KCNJ9: variants seen among roughly 807,000 people sequenced by gnomAD.
KCNJ9 encodes the protein potassium inwardly rectifying channel subfamily J member 9, also known as G protein-activated inward rectifier potassium channel 3.
In KCNJ9, 18 loss-of-function variants were observed where a neutral mutation model predicts 27.9. The ratio of observed to expected loss-of-function variants is 0.65; its 90% CI spans 0.45 to 0.96. The LOEUF (loss-of-function observed/expected upper bound fraction) is 0.96. Among genes scored for constraint, KCNJ9 ranks in the 40% least tolerant of loss-of-function variants. The pLI is 0.00. For synonymous variants in KCNJ9, 229 were observed against 248.2 expected, an observed-to-expected ratio of 0.92 and a Z score of 0.73; for missense variants, 324 against 557.5, an observed-to-expected ratio of 0.58 and a Z score of 4.22.
rs1193325210 is a variant in KCNJ9 at position 160,088,132 on chromosome 1, G to C, written c.*315G>C. ...GGGGTTGGATGGGAAGATGGTAGCAGATAAAGACAGCTGACAGATACATAG... is the reference window on the plus strand; with the variant it reads ...GGGGTTGGATGGGAAGATGGTAGCACATAAAGACAGCTGACAGATACATAG... On this transcript the variant is annotated 3_prime_UTR_variant, in exon 3 of 3. Transcript: ENST00000368088. 3.9e-5 allele frequency: 12 copies of C among 309,184 alleles called. No individual in the cohort carries two copies. The highest frequency in any genetic ancestry group is 1.5e-4 in the Admixed American group (3 of 20,274). The allele number at this position is 309,184 out of a possible 1,614,324, so 19.2% of individuals were successfully genotyped here. A position where few individuals can be genotyped will look rare whatever the true frequency, so the allele number is the denominator to read the frequency against.
Position 160,084,681 on chromosome 1 carries a change from G to A in KCNJ9, c.651G>A (p.Glu217=), listed in dbSNP as rs1464818179. ...TCATCCGCTCGCGCCAGACGCTGGA[G>A]GGCGAGTTCATCCCGCTGCACCAGA... The part of the protein sequence containing the change: ...AKLIRSRQTL[E]GEFIPLHQTD... Residue 217 remains glutamate, a synonymous_variant, in exon 2 of 3, where the codon GAG becomes GAA. Transcript: ENST00000368088. 1.3e-6 allele frequency: 2 copies of A among 1,593,860 alleles called. No individual in the cohort carries two copies. The highest frequency in any genetic ancestry group is 1.7e-6 in the Non-Finnish European group (2 of 1,170,238).
intron 2 of KCNJ9, among the ~76,000 whole-genome samples, chr1:160,085,907 G>A (rs954722891): frequency 2.6e-5 from 4 of 152,108 alleles, no homozygotes; most frequent in East Asian, 1.9e-4. Flanking sequence ...CTGAGACTCC[G>A]CTTCACACCC....
In KCNJ9 at chr1:160,090,227, G is replaced by A. The variant is rs971551504; in HGVS notation, c.*2410G>A. 2 of 152,242 alleles carry A rather than the reference G, an allele frequency of 1.3e-5. No individual in the cohort carries two copies. The highest frequency in any genetic ancestry group is 2.9e-5 in the Non-Finnish European group (2 of 68,054). 9.4% of individuals were successfully genotyped at this position (152,242 alleles called of 1,614,324 possible). Reference sequence around the variant, plus strand: ...TCATTTGGGTTTCAGTAAAACAGGGGGGTCTGGACAAGAGCGGGTGGGCTA... The same window carrying A: ...TCATTTGGGTTTCAGTAAAACAGGGAGGTCTGGACAAGAGCGGGTGGGCTA... On this transcript the variant is annotated 3_prime_UTR_variant, in exon 3 of 3. Transcript: ENST00000368088.
rs1472361010 is a variant in KCNJ9 at position 160,089,827 on chromosome 1, C to T, written c.*2010C>T. ...CTGTCTCCCACACAGCAGCACTGGC[C>T]CAGCAAGGACCTCCTCCCTTGGCCC... On this transcript the variant is annotated 3_prime_UTR_variant, in exon 3 of 3. Coordinates refer to ENST00000368088, the MANE Select transcript of KCNJ9 (RefSeq NM_004983.3). The T allele has an allele frequency of 6.6e-6, 1 of 152,522 alleles. No individual in the cohort carries two copies. Among genetic ancestry groups the T allele is most frequent in the African/African-American group, 2.4e-5 (1 of 41,452 alleles). The allele number at this position is 152,522 out of a possible 1,614,324, so 9.4% of individuals were successfully genotyped here.
In KCNJ9 at chr1:160,089,169, C is replaced by A. The variant is rs905829039; in HGVS notation, c.*1352C>A. 6.6e-6 allele frequency: 1 copy of A among 152,168 alleles called. No individual in the cohort carries two copies. The highest frequency in any genetic ancestry group is 2.1e-4 in the South Asian group (1 of 4,818). 9.4% of individuals were successfully genotyped at this position (152,168 alleles called of 1,614,324 possible). ...GTGCTCTAAGTGAATACTTGGAAGT[C>A]GTTTCAGGACATGGGGCATAGAAAC... On this transcript the variant is annotated 3_prime_UTR_variant, in exon 3 of 3. Coordinates refer to ENST00000368088, the MANE Select transcript of KCNJ9 (RefSeq NM_004983.3).
chr1:160,082,414 T>G (rs529630442), intron 1 of KCNJ9, among the ~76,000 whole-genome samples: 4 of 152,268 alleles, frequency 2.6e-5, no homozygotes, highest in African/African-American at 9.6e-5. Flanking sequence ...GTCCCCTGAC[T>G]CCATGGACAA....
Position 160,087,841 on chromosome 1 carries a change from G to A in KCNJ9, c.*24G>A. ...GACCAGCTTCCTCCAGACCCCTGTGGCAGACCGGGGGCCAGACACAGATAC... is the reference window on the plus strand; with the variant it reads ...GACCAGCTTCCTCCAGACCCCTGTGACAGACCGGGGGCCAGACACAGATAC... On this transcript the variant is annotated 3_prime_UTR_variant, in exon 3 of 3. Coordinates refer to ENST00000368088, the MANE Select transcript of KCNJ9 (RefSeq NM_004983.3). 7.0e-7 allele frequency: 1 copy of A among 1,434,510 alleles called. No homozygotes were observed. Among genetic ancestry groups the A allele is most frequent in the South Asian group, 1.6e-5 (1 of 64,120 alleles). 88.9% of individuals were successfully genotyped at this position (1,434,510 alleles called of 1,614,324 possible).
In KCNJ9 at chr1:160,087,748, T is replaced by TG. The variant is rs770197714; in HGVS notation, c.1117dup (p.Glu373GlyfsTer5). On this transcript the variant is annotated frameshift_variant, in exon 3 of 3. Transcript: ENST00000368088. LOFTEE classifies it high-confidence loss of function. Reference sequence around the variant, plus strand: ...AGGAGGGGGCGGGGGAGGGGGCGGGTGGGGAAGCTGGGGCTGACAAGGAGC... The same window carrying TG: ...AGGAGGGGGCGGGGGAGGGGGCGGGTGGGGGAAGCTGGGGCTGACAAGGAGC... 1 of 440,486 alleles carries TG rather than the reference T, an allele frequency of 2.3e-6. No homozygotes were observed. Among genetic ancestry groups the TG allele is most frequent in the Non-Finnish European group, 2.8e-6 (1 of 352,876 alleles). 27.3% of individuals were successfully genotyped at this position (440,486 alleles called of 1,614,324 possible). A position where few individuals can be genotyped will look rare whatever the true frequency, so the allele number is the denominator to read the frequency against.
In KCNJ9 at chr1:160,087,744, C is replaced by T. The variant is rs755170146; in HGVS notation, c.1109C>T (p.Ala370Val). 6.7e-6 allele frequency: 7 copies of T among 1,044,174 alleles called. No homozygotes were observed. The highest frequency in any genetic ancestry group is 1.0e-4 in the South Asian group (2 of 19,692). The allele number at this position is 1,044,174 out of a possible 1,614,324, so 64.7% of individuals were successfully genotyped here. The change falls in exon 3 of 3, where the codon GCG (alanine) becomes GTG (valine). Residue 370 changes from alanine (A) to valine (V), a missense_variant. Transcript: ENST00000368088. ...KVEEEGAGEG[A>V]GGEAGADKEQ... is the part of the protein sequence containing the mutation. ...GAGGAGGAGGGGGCGGGGGAGGGGG[C>T]GGGTGGGGAAGCTGGGGCTGACAAG...
chr1:160,086,852 C>A (rs923890100), intron 2 of KCNJ9, among the ~76,000 whole-genome samples: 3 of 152,206 alleles, frequency 2.0e-5, no homozygotes, highest in Middle Eastern at 3.4e-3. Flanking sequence ...GGCTTGTAAT[C>A]AAAAAAGTAG....
chr1:160,085,055 G>A (rs1259321532), intron 2 of KCNJ9, among the ~76,000 whole-genome samples, 175 bp downstream of exon 2: 2 of 152,222 alleles, frequency 1.3e-5, no homozygotes, highest in Non-Finnish European at 2.9e-5. Context: ...GAGCAACGCC[G>A]CAGAAGGCCA....
At chr1:160,082,145 C>T (rs1649688351) in intron 1 of KCNJ9, among the ~76,000 whole-genome samples, 1 of 152,208 alleles carries the variant, frequency 6.6e-6, no homozygotes, top group Admixed American at 6.5e-5. Context: ...CTTCCCCATC[C>T]CTGGGCAGAG....
rs184431247 is a variant in KCNJ9, at chr1:160,088,481, G to C, written c.*664G>C. On this transcript the variant is annotated 3_prime_UTR_variant, in exon 3 of 3. Transcript: ENST00000368088. Reference sequence around the variant, plus strand: ...GAAGGCGTGCAAGGGGCTCAGCAAGGTGTGAATGACCTTAGTCCGCAAGTT... The same window carrying C: ...GAAGGCGTGCAAGGGGCTCAGCAAGCTGTGAATGACCTTAGTCCGCAAGTT... 4.6e-5 allele frequency: 7 copies of C among 152,556 alleles called. No homozygotes were observed. In the East Asian group the frequency reaches 1.3e-3, roughly 29 times the overall value. 9.5% of individuals were successfully genotyped at this position (152,556 alleles called of 1,614,324 possible).
chr1:160,084,344 A>G lies in KCNJ9; in HGVS notation c.314A>G (p.Asn105Ser). ...TAWTPCVNNLNGFVAAFLFSI... is the reference protein window; with the variant it reads ...TAWTPCVNNLSGFVAAFLFSI... The stretch of plus-strand genomic sequence containing the variant: ...TGGACGCCGTGCGTCAACAACCTCA[A>G]CGGCTTCGTGGCCGCCTTCCTCTTC... The change falls in exon 2 of 3, where the codon AAC becomes AGC. Residue 105 changes from asparagine (N) to serine (S), a missense_variant. Physicochemically the swap from Asn to Ser is conservative, Grantham distance 46. Coordinates refer to ENST00000368088, the MANE Select transcript of KCNJ9 (RefSeq NM_004983.3). 1 of 1,613,554 alleles carries G rather than the reference A, an allele frequency of 6.2e-7. No homozygotes were observed.
chr1:160,083,473 T>C (rs905433150), intron 1 of KCNJ9, among the ~76,000 whole-genome samples: 25 of 152,090 alleles, frequency 1.6e-4, no homozygotes, highest in African/African-American at 6.0e-4. Context: ...CTGCACTGGC[T>C]ACAGCTGGGG....
rs368480235 is a variant in KCNJ9, at chr1:160,087,699, G to A, written c.1064G>A (p.Ser355Asn). 21 of 1,361,156 alleles carry A rather than the reference G, an allele frequency of 1.5e-5. No individual in the cohort carries two copies. The highest frequency in any genetic ancestry group is 2.0e-5 in the Non-Finnish European group (20 of 1,019,898). 84.3% of individuals were successfully genotyped at this position (1,361,156 alleles called of 1,614,324 possible). A position where few individuals can be genotyped will look rare whatever the true frequency, so the allele number is the denominator to read the frequency against. The change falls in exon 3 of 3, where the codon AGC becomes AAC. Residue 355 changes from serine (S) to asparagine (N), a missense_variant. Ser to Asn is a conservative substitution (Grantham distance 46). Transcript: ENST00000368088. ...LDAHLYWSIP[S>N]RLDEKVEEEG... The stretch of plus-strand genomic sequence containing the variant: ...GCCCATCTCTACTGGTCCATCCCCA[G>A]CCGGCTGGATGAGAAGGTGGAGGAG...
rs1649812034 is a variant in KCNJ9 at position 160,087,900 on chromosome 1, G to A, written c.*83G>A. On this transcript the variant is annotated 3_prime_UTR_variant, in exon 3 of 3. Coordinates refer to ENST00000368088, the MANE Select transcript of KCNJ9 (RefSeq NM_004983.3). ...CTGCATATCGGAGGTGGTGGAGGAG[G>A]AGGAGGAGGAGGAAGGCAAAGCCCC... is the stretch of plus-strand genomic sequence containing the variant. The A allele has an allele frequency of 2.3e-6, 3 of 1,278,162 alleles. No individual in the cohort carries two copies. Among genetic ancestry groups the A allele is most frequent in the Non-Finnish European group, 3.0e-6 (3 of 987,768 alleles). 79.2% of individuals were successfully genotyped at this position (1,278,162 alleles called of 1,614,324 possible).
rs1649869209 is a variant in KCNJ9 at position 160,089,985 on chromosome 1, G to A, written c.*2168G>A. ...TATGGGCATAGCCAGGGCCCTATGG[G>A]TCCTCTGGAAGCAAGAAAGGGGGCC... On this transcript the variant is annotated 3_prime_UTR_variant, in exon 3 of 3. Coordinates refer to ENST00000368088, the MANE Select transcript of KCNJ9 (RefSeq NM_004983.3). 6.6e-6 allele frequency: 1 copy of A among 152,356 alleles called. No individual in the cohort carries two copies. The highest frequency in any genetic ancestry group is 1.9e-4 in the East Asian group (1 of 5,202). 9.4% of individuals were successfully genotyped at this position (152,356 alleles called of 1,614,324 possible).
intron 2 of KCNJ9, among the ~76,000 whole-genome samples, chr1:160,085,090 G>A (rs1466767742): frequency 6.6e-6 from 1 of 152,232 alleles, no homozygotes; most frequent in Non-Finnish European, 1.5e-5. Flanking sequence ...GGAATTCTCC[G>A]AAATGGCACT....
Sources: gnomAD v4.1 joint callset for allele counts (sites outside exome capture counted in the v4.1 genomes callset) on GRCh38, gnomAD v4.1.1 for gene constraint, MANE v1.5 for transcripts, NCBI Gene and HGNC (gene_info 2026-07-23, HGNC 2026-07-21) for gene names.